The following DACH2 variants were observed in gnomAD, a reference collection of about 807,000 sequenced individuals.
The protein encoded by DACH2 is dachshund family transcription factor 2.
Under a neutral mutation model 35.8 loss-of-function variants are expected in DACH2, and 17 were observed. That is an observed-to-expected ratio of 0.48 (90% confidence interval 0.33 to 0.71). DACH2 has a LOEUF of 0.71. Ranked by LOEUF, DACH2 falls within the 30% of genes least tolerant of loss-of-function variation. DACH2 has a pLI of 0.02. For synonymous variants in DACH2, 195 were observed against 177.3 expected (o/e 1.10, Z -0.79); for missense variants, 469 against 472.7 (o/e 0.99, Z 0.07).
intron 1 of DACH2, among the ~76,000 whole-genome samples, chrX:86,337,345 T>A (rs754490059): frequency 8.9e-6 from 1 of 112,091 alleles, no homozygotes; most frequent in Non-Finnish European, 1.9e-5. Context: ...GGGTTACCCA[T>A]AAAGGGAAGC....
intron 4 of DACH2, among the ~76,000 whole-genome samples, chrX:86,651,860 A>AAGATGG (rs2040482278): frequency 8.9e-6 from 1 of 111,864 alleles, no homozygotes; most frequent in Admixed American, 9.5e-5. Context: ...GACGGATGGA[A>AAGATGG]AGATGGATGG....
intron 2 of DACH2, among the ~76,000 whole-genome samples, chrX:86,452,727 G>A (rs961898548): frequency 1.8e-5 from 2 of 110,749 alleles, no homozygotes; most frequent in Admixed American, 9.6e-5. Flanking sequence ...TATTAGTCTA[G>A]CTAGTGGTAT....
At chrX:86,654,504 A>C (rs1027791937) in intron 4 of DACH2, among the ~76,000 whole-genome samples, 4 of 111,229 alleles carry the variant, frequency 3.6e-5, no homozygotes, top group African/African-American at 1.3e-4. Context: ...TTGCTCTTCA[A>C]CCAGTGCTGA....
chrX:86,273,839 C>T (rs2033858575), intron 1 of DACH2, among the ~76,000 whole-genome samples: 1 of 112,389 alleles, frequency 8.9e-6, no homozygotes, highest in Non-Finnish European at 1.9e-5. Context: ...CCCCAATTCA[C>T]ATTTAAGAGC....
chrX:86,562,545 G>A (rs2039237790), intron 3 of DACH2, among the ~76,000 whole-genome samples: 1 of 111,128 alleles, frequency 9.0e-6, no homozygotes, highest in South Asian at 3.8e-4. Context: ...TTTCACATTT[G>A]AGCTCCCTAT....
intron 7 of DACH2, among the ~76,000 whole-genome samples, chrX:86,755,759 G>A (rs1349174641): frequency 8.3e-5 from 9 of 108,128 alleles, no homozygotes; most frequent in African/African-American, 1.0e-4. Context: ...CACCACACCC[G>A]GCTAATTTTT....
chrX:86,292,189 C>G (rs1409835872), intron 1 of DACH2, among the ~76,000 whole-genome samples: 9 of 84,555 alleles, frequency 1.1e-4, no homozygotes, highest in Non-Finnish European at 1.6e-4. Flanking sequence ...TCCATTTCTT[C>G]TAGATTTTCT....
chrX:86,741,729 C>A (rs59091979), intron 7 of DACH2, among the ~76,000 whole-genome samples: 94 of 111,072 alleles, frequency 8.5e-4, no homozygotes, highest in African/African-American at 3.0e-3. Context: ...GTATACCATT[C>A]ATATTGATGA....
chrX:86,733,655 T>A (rs969198729), intron 6 of DACH2, among the ~76,000 whole-genome samples: 3 of 111,541 alleles, frequency 2.7e-5, no homozygotes, highest in Non-Finnish European at 3.8e-5. Context: ...CTGTATAATG[T>A]CAGTGTGCCA....
At chrX:86,704,468 C>T (rs929371485) in intron 5 of DACH2, among the ~76,000 whole-genome samples, 1 of 110,634 alleles carries the variant, frequency 9.0e-6, no homozygotes, top group African/African-American at 3.3e-5. Flanking sequence ...CCAAAAAAAA[C>T]CTTCTGCACA....
chrX:86,718,881 C>G (rs1037547401), intron 6 of DACH2, among the ~76,000 whole-genome samples: 2 of 111,854 alleles, frequency 1.8e-5, no homozygotes, highest in Non-Finnish European at 3.8e-5. Context: ...GTTACTGTAG[C>G]CTTACAGTAT....
intron 10 of DACH2, 105 bp downstream of exon 10, chrX:86,814,939 G>T (rs1449578205): frequency 2.0e-5 from 17 of 870,780 alleles, no homozygotes; most frequent in Non-Finnish European, 2.5e-5. Context: ...AGAAAGGAAG[G>T]GAGAGAGGGA....
intron 2 of DACH2, among the ~76,000 whole-genome samples, chrX:86,456,457 G>T (rs2037476937): frequency 9.0e-6 from 1 of 111,606 alleles, no homozygotes; most frequent in Non-Finnish European, 1.9e-5. Flanking sequence ...GTCACAGGTA[G>T]TGTTATTATC....
chrX:86,755,593 AT>A (rs35672351), intron 7 of DACH2, among the ~76,000 whole-genome samples: 16,499 of 77,304 alleles, frequency 0.21, 1,459 homozygotes, highest in Non-Finnish European at 0.28. Flanking sequence ...TCTTGACCTA[AT>A]TTTTTTTTTT....
intron 1 of DACH2, among the ~76,000 whole-genome samples, chrX:86,266,454 G>C (rs1192475275): frequency 8.9e-6 from 1 of 111,741 alleles, no homozygotes; most frequent in African/African-American, 3.2e-5. Flanking sequence ...AATTTTGAAG[G>C]CCACTGCAAA....
intron 7 of DACH2, among the ~76,000 whole-genome samples, chrX:86,780,120 C>T (rs1341229031): frequency 9.3e-6 from 1 of 108,036 alleles, no homozygotes; most frequent in Non-Finnish European, 1.9e-5. Context: ...TTGACTGAAC[C>T]CTACTTACGC....
chrX:86,195,703 G>C (rs987038895), intron 1 of DACH2, among the ~76,000 whole-genome samples: 4 of 111,400 alleles, frequency 3.6e-5, no homozygotes, highest in Admixed American at 2.9e-4. Context: ...AGTGAGCAGT[G>C]GTCCAGGAGC....
At chrX:86,573,017 G>A (rs1375088256) in intron 3 of DACH2, among the ~76,000 whole-genome samples, 1 of 111,115 alleles carries the variant, frequency 9.0e-6, no homozygotes, top group Non-Finnish European at 1.9e-5. Context: ...ATTTAACTTA[G>A]GTTACTGAGT....
At chrX:86,221,348 T>G (rs1442301220) in intron 1 of DACH2, among the ~76,000 whole-genome samples, 1 of 111,998 alleles carries the variant, frequency 8.9e-6, no homozygotes, top group Non-Finnish European at 1.9e-5. Context: ...CTTAAAACTC[T>G]TATTGAAGAT....
Sources: allele counts gnomAD v4.1 joint callset (sites outside exome capture counted in the v4.1 genomes callset), GRCh38; gene constraint gnomAD v4.1.1; transcripts MANE v1.5; gene names NCBI Gene and HGNC (gene_info 2026-07-23, HGNC 2026-07-21).